Variants in CEP89 observed in about 807,000 individuals in gnomAD.
CEP89 encodes the protein centrosomal protein 89, also known as centrosomal protein of 89 kDa.
In CEP89, 95 loss-of-function variants were observed where a neutral mutation model predicts 97.6. The ratio of observed to expected loss-of-function variants is 0.97; its 90% CI spans 0.82 to 1.15. CEP89 has a LOEUF of 1.15. Among genes scored for constraint, CEP89 ranks in the 50% most tolerant of loss-of-function variants. The probability of loss-of-function intolerance (pLI) is 0.00; values close to 1 mark genes in which losing one functional copy is unlikely to be tolerated. For synonymous variants in CEP89, 354 were observed against 349.1 expected, an observed-to-expected ratio of 1.01 and a Z score of -0.16; for missense variants, 869 against 947.7, an observed-to-expected ratio of 0.92 and a Z score of 1.09.
intron 2 of CEP89, among the ~76,000 whole-genome samples, chr19:32,964,038 G>C (rs1482438312): frequency 1.3e-5 from 2 of 151,966 alleles, no homozygotes; most frequent in African/African-American, 4.8e-5. Flanking sequence ...TATACTGTTG[G>C]TGGGAACATA....
At chr19:32,951,528 T>TACACAC (rs1367738672) in intron 4 of CEP89, among the ~76,000 whole-genome samples, 5 of 94,244 alleles carry the variant, frequency 5.3e-5, no homozygotes, top group African/African-American at 1.4e-4. Context: ...TATATATATA[T>TACACAC]ATATATACAC....
rs950045670 is a variant in CEP89, at chr19:32,883,908, T to C, written c.1966-1895A>G. On this transcript the variant is annotated intron_variant, in intron 17 of 18. Coordinates refer to ENST00000305768, the MANE Select transcript of CEP89 (RefSeq NM_032816.5). ...ATTACCAAGTTTCCATTTTTCTTTG[T>C]ATTTCCTGTAGTCTACACTTCATAA... Among the ~76,000 whole-genome samples the C allele has an allele frequency of 9.8e-5, 15 of 152,350 alleles. No homozygotes were observed. The East Asian group carries it at 2.1e-3, about 22-fold the overall frequency.
At chr19:32,887,468 C>A (rs998290741) in intron 17 of CEP89, among the ~76,000 whole-genome samples, 1 of 152,116 alleles carries the variant, frequency 6.6e-6, no homozygotes. Flanking sequence ...ATCCTCCTGG[C>A]TGGGCCTCCT....
At position 32,879,558 on chromosome 19, in the gene CEP89, G is replaced by C. The variant is rs561910284; in HGVS notation, c.2136-180C>G. ...AAGCAGCTGGTGCCCTGGGAATGGG[G>C]AGCAGCAGGACAGCCCAGGCTGGGG... On this transcript the variant is annotated intron_variant, in intron 18 of 18. Coordinates refer to ENST00000305768, the MANE Select transcript of CEP89 (RefSeq NM_032816.5). Among the ~76,000 whole-genome samples, 102 of 152,296 alleles carry C rather than the reference G, an allele frequency of 6.7e-4. 1 individual carries two copies. In the South Asian group the frequency reaches 0.02, roughly 30 times the overall value.
rs1265905657 is a variant in CEP89, at chr19:32,959,974, A to G, written c.231T>C (p.Ser77=). 6.2e-7 allele frequency: 1 copy of G among 1,614,074 alleles called. No individual in the cohort carries two copies. Among genetic ancestry groups the G allele is most frequent in the Non-Finnish European group, 8.5e-7 (1 of 1,180,036 alleles). The change falls in exon 3 of 19, where the codon TCT becomes TCC. Residue 77 remains serine (S), a synonymous_variant. Transcript: ENST00000305768. ...AIPQPRQRSR[S]ESDVSSVEQD... is the part of the protein sequence containing the mutation. ...GTTCAACACTGCTCACATCACTCTC[A>G]GACCGGGACCTCTGGCGAGGCTGAG...
intron 11 of CEP89, among the ~76,000 whole-genome samples, chr19:32,923,888 G>C (rs1395201243): frequency 6.6e-6 from 1 of 152,092 alleles, no homozygotes; most frequent in East Asian, 1.9e-4. Flanking sequence ...TCCTTTGTTT[G>C]AAGATGCAGG....
At chr19:32,969,391 G>A (rs1418996891) in intron 1 of CEP89, 4 of 152,280 alleles carry the variant, frequency 2.6e-5, no homozygotes, top group Non-Finnish European at 5.9e-5. Flanking sequence ...CAGAGGGACT[G>A]GCAGCCCAGC....
At chr19:32,971,643 C>CGA in intron 1 of CEP89, 193 bp downstream of exon 1, 1 of 615,086 alleles carries the variant, frequency 1.6e-6, no homozygotes, top group Non-Finnish European at 2.9e-6. Flanking sequence ...GGCGACAGAG[C>CGA]GAGACCCTGT....
At chr19:32,925,723 T>C (rs1448860010) in intron 11 of CEP89, among the ~76,000 whole-genome samples, 1 of 151,920 alleles carries the variant, frequency 6.6e-6, no homozygotes, top group Non-Finnish European at 1.5e-5. Context: ...CCTGACCTCA[T>C]GTGATCCACC....
rs762473854 is a variant in CEP89 at position 32,933,605 on chromosome 19, T to C, written c.732A>G (p.Lys244=). The C allele has an allele frequency of 6.8e-6, 11 of 1,613,618 alleles. No homozygotes were observed. The highest frequency in any genetic ancestry group is 2.7e-5 in the African/African-American group (2 of 74,940). ...TATTGTTTAGGTCCATATTTTCTTC[T>C]TTTAATGCCTCAAACTTTTCTCTGG... ...EITREKFEAL[K]EENMDLNNMN... The change falls in exon 8 of 19, where the codon AAA becomes AAG. Residue 244 remains lysine, a synonymous_variant. Transcript: ENST00000305768.
In CEP89 at chr19:32,917,770, G is replaced by GA. The variant is rs367629148; in HGVS notation, c.1384+453dup. 1.8e-4 allele frequency: 177 copies of GA among 983,842 alleles called. 2 individuals are homozygous for GA. The African/African-American group carries it at 2.1e-3, about 11-fold the overall frequency. 60.9% of individuals were successfully genotyped at this position (983,842 alleles called of 1,614,324 possible). A position where few individuals can be genotyped will look rare whatever the true frequency, so the allele number is the denominator to read the frequency against. On this transcript the variant is annotated intron_variant, in intron 13 of 18. Coordinates refer to ENST00000305768, the MANE Select transcript of CEP89 (RefSeq NM_032816.5). ...GGACACTCTCGGAAGGTGTTTGATGGAAATCTAACCTGCAGTGATGTCGCC... is the reference window on the plus strand; with the variant it reads ...GGACACTCTCGGAAGGTGTTTGATGGAAAATCTAACCTGCAGTGATGTCGCC...
rs146974490 is a variant in CEP89, at chr19:32,920,544, C to G, written c.1269-2205G>C. 7.4e-3 allele frequency among the ~76,000 whole-genome samples: 1,121 copies of G among 151,906 alleles called. 22 individuals carry two copies. Among genetic ancestry groups the G allele is most frequent in the African/African-American group, 0.025 (1,054 of 41,416 alleles). On this transcript the variant is annotated intron_variant, in intron 12 of 18. Coordinates refer to ENST00000305768, the MANE Select transcript of CEP89 (RefSeq NM_032816.5). ...TGTTGCCCAGGCTGGAGTGCAGTGGCACGATCTAGGCTCACTGCAGCCTCC... is the reference window on the plus strand; with the variant it reads ...TGTTGCCCAGGCTGGAGTGCAGTGGGACGATCTAGGCTCACTGCAGCCTCC...
At position 32,926,392 on chromosome 19, in the gene CEP89, T is replaced by C. The variant is rs905367165; in HGVS notation, c.1081-119A>G. ...ATGGTTTCTTTGGTTGCAGTTGTTATTGTTTTTTAACGACTCTCCCAGCTC... is the reference window on the plus strand; with the variant it reads ...ATGGTTTCTTTGGTTGCAGTTGTTACTGTTTTTTAACGACTCTCCCAGCTC... On this transcript the variant is annotated intron_variant, in intron 10 of 18. Coordinates refer to ENST00000305768, the MANE Select transcript of CEP89 (RefSeq NM_032816.5). 26 of 759,338 alleles carry C rather than the reference T, an allele frequency of 3.4e-5. No homozygotes were observed. The Admixed American group carries it at 4.8e-4, about 14-fold the overall frequency. 47.0% of individuals were successfully genotyped at this position (759,338 alleles called of 1,614,324 possible). A position where few individuals can be genotyped will look rare whatever the true frequency, so the allele number is the denominator to read the frequency against.
chr19:32,884,006 A>C (rs1426352925), intron 17 of CEP89, among the ~76,000 whole-genome samples: 1 of 152,094 alleles, frequency 6.6e-6, no homozygotes, highest in African/African-American at 2.4e-5. Context: ...GGATCTCACT[A>C]TGTTGCCCAG....
chr19:32,887,908 T>C, intron 16 of CEP89, 67 bp from the exon 17 acceptor site: 1 of 929,198 alleles, frequency 1.1e-6, no homozygotes, highest in African/African-American at 1.6e-5. Flanking sequence ...ACAATTATTT[T>C]GCAAAGAGTG....
chr19:32,918,888 T>TC (rs1970189501), intron 12 of CEP89, among the ~76,000 whole-genome samples: 12 of 145,656 alleles, frequency 8.2e-5, no homozygotes, highest in Non-Finnish European at 1.2e-4. Context: ...CTTTTTCTTT[T>TC]TTTTTTTTTT....
intron 13 of CEP89, among the ~76,000 whole-genome samples, chr19:32,916,173 G>C (rs1363609166): frequency 1.3e-5 from 2 of 152,030 alleles, no homozygotes; most frequent in Non-Finnish European, 2.9e-5. Flanking sequence ...AGATATCCGG[G>C]AGGCTGAGGC....
At chr19:32,958,080 C>T (rs1034885220) in intron 3 of CEP89, among the ~76,000 whole-genome samples, 1 of 151,444 alleles carries the variant, frequency 6.6e-6, no homozygotes, top group Non-Finnish European at 1.5e-5. Flanking sequence ...AGACCATCTC[C>T]TCTGATGGTC....
At chr19:32,888,036 A>C (rs961048516) in intron 16 of CEP89, among the ~76,000 whole-genome samples, 195 bp from the exon 17 acceptor site, 2 of 152,212 alleles carry the variant, frequency 1.3e-5, no homozygotes, top group Non-Finnish European at 2.9e-5. Context: ...GGAACAGGGC[A>C]TGTGGGGTGC....
Sources: gnomAD v4.1 joint callset for allele counts (sites outside exome capture counted in the v4.1 genomes callset) on GRCh38, gnomAD v4.1.1 for gene constraint, MANE v1.5 for transcripts, NCBI Gene and HGNC (gene_info 2026-07-23, HGNC 2026-07-21) for gene names.